Variants in IFT74 observed in about 807,000 individuals in gnomAD.
IFT74 encodes the protein intraflagellar transport 74.
Under a neutral mutation model 96.7 loss-of-function variants are expected in IFT74, and 92 were observed. The observed-to-expected ratio is 0.95, with a 90% CI of 0.80 to 1.13. The LOEUF is 1.13. Ranked by LOEUF, IFT74 falls within the 50% of genes most tolerant of loss-of-function variation. The probability of loss-of-function intolerance (pLI) is 0.00; values close to 1 mark genes in which losing one functional copy is unlikely to be tolerated. For synonymous variants in IFT74, 223 were observed against 213.2 expected (o/e 1.05, Z -0.40); for missense variants, 811 against 698.2 (o/e 1.16, Z -1.82).
chr9:27,036,649 TC>T (rs746552608), intron 13 of IFT74: 84 of 1,412,286 alleles, frequency 5.9e-5, no homozygotes, highest in Non-Finnish European at 7.6e-5. Context: ...GGCATTTTAT[TC>T]ATTGGCTACT....
Position 27,036,459 on chromosome 9 carries a change from A to G in IFT74, c.1054+7355A>G, listed in dbSNP as rs1036763473. On this transcript the variant is annotated intron_variant, in intron 13 of 19. Transcript: ENST00000380062. ...GGTTCTTCATCTGCAGATCCTACCA[A>G]CTATGGATGGAAAATACTTGAAAAA... 11 of 1,613,684 alleles carry G rather than the reference A, an allele frequency of 6.8e-6. No individual in the cohort carries two copies. In the African/African-American group the frequency reaches 1.3e-4, roughly 20 times the overall value.
chr9:26,963,089 C>T (rs1826440347), intron 2 of IFT74, among the ~76,000 whole-genome samples: 1 of 151,986 alleles, frequency 6.6e-6, no homozygotes. Context: ...GGTGTATCTC[C>T]CGATGCTATC....
chr9:27,004,211 G>A (rs1165783766), intron 8 of IFT74, among the ~76,000 whole-genome samples: 1 of 152,156 alleles, frequency 6.6e-6, no homozygotes, highest in Non-Finnish European at 1.5e-5. Flanking sequence ...TTTATTATCT[G>A]TATCTGCTAT....
At chr9:27,032,991 C>A (rs1270662381) in intron 13 of IFT74, among the ~76,000 whole-genome samples, 1 of 151,894 alleles carries the variant, frequency 6.6e-6, no homozygotes, top group Non-Finnish European at 1.5e-5. Flanking sequence ...AAAATGCAAG[C>A]AGAAAAGTAT....
Position 27,018,638 on chromosome 9 carries a change from C to G in IFT74, c.934-9C>G. On this transcript the variant is annotated splice_polypyrimidine_tract_variant and intron_variant, in intron 11 of 19. Coordinates refer to ENST00000380062, the MANE Select transcript of IFT74 (RefSeq NM_025103.4). ...TTTTAAATACTACTTTCTTTTTATG[C>G]CTTTGTAGATTAAAGATGATAATCA... The G allele has an allele frequency of 6.8e-7, 1 of 1,464,030 alleles. No homozygotes were observed. Among genetic ancestry groups the G allele is most frequent in the Non-Finnish European group, 9.4e-7 (1 of 1,064,092 alleles). 90.7% of individuals were successfully genotyped at this position (1,464,030 alleles called of 1,614,324 possible). A position where few individuals can be genotyped will look rare whatever the true frequency, so the allele number is the denominator to read the frequency against.
chr9:27,045,110 C>A (rs534931217), intron 14 of IFT74, among the ~76,000 whole-genome samples: 1 of 152,292 alleles, frequency 6.6e-6, no homozygotes, highest in South Asian at 2.1e-4. Flanking sequence ...AGGAACCAGG[C>A]CGCACACCAG....
rs889850470 is a variant in IFT74, at chr9:27,057,798, C to T, written c.1623+1339C>T. Among the ~76,000 whole-genome samples, 4 of 151,824 alleles carry T rather than the reference C, an allele frequency of 2.6e-5. No individual in the cohort carries two copies. The South Asian group carries it at 8.3e-4, about 32-fold the overall frequency. On this transcript the variant is annotated intron_variant, in intron 18 of 19. Coordinates refer to ENST00000380062, the MANE Select transcript of IFT74 (RefSeq NM_025103.4). ...GCTTGAACCTGAGAGGCGGAGCTTG[C>T]AGTAAGCTGAGATCGCGCCACTGCA...
In IFT74 at chr9:27,055,628, G is replaced by A; in HGVS notation, c.1353G>A (p.Leu451=). The A allele has an allele frequency of 6.3e-7, 1 of 1,577,004 alleles. No individual in the cohort carries two copies. Among genetic ancestry groups the A allele is most frequent in the African/African-American group, 1.4e-5 (1 of 72,612 alleles). ...TTTCAGACATTCAACGTCTGCAGTTGGATCTGCAGAAAATGGAGCTTCTAG... is the reference window on the plus strand; with the variant it reads ...TTTCAGACATTCAACGTCTGCAGTTAGATCTGCAGAAAATGGAGCTTCTAG... ...NLTSDIQRLQ[L]DLQKMELLES... Residue 451 remains leucine, a synonymous_variant, in exon 17 of 20, where the codon TTG becomes TTA. Transcript: ENST00000380062.
At chr9:26,986,785 G>C (rs748314405) in intron 6 of IFT74, among the ~76,000 whole-genome samples, 26 of 151,980 alleles carry the variant, frequency 1.7e-4, no homozygotes, top group South Asian at 4.2e-4. Context: ...AGCATGCCTG[G>C]CTAATTTTTA....
At chr9:27,034,859 G>A (rs560024570) in intron 13 of IFT74, among the ~76,000 whole-genome samples, 1 of 152,284 alleles carries the variant, frequency 6.6e-6, no homozygotes, top group South Asian at 2.1e-4. Flanking sequence ...CACATGTCCT[G>A]TTACTAGAAT....
In IFT74 at chr9:27,059,863, G is replaced by A. The variant is rs547792600; in HGVS notation, c.1624-728G>A. Among the ~76,000 whole-genome samples the A allele has an allele frequency of 4.6e-5, 7 of 152,164 alleles. No homozygotes were observed. In the East Asian group the frequency reaches 1.2e-3, roughly 25 times the overall value. Reference sequence around the variant, plus strand: ...CATTACTTCTTTGAAATGTCCAGGTGGAACATAATTTTAGCATTTCAATTT... The same window carrying A: ...CATTACTTCTTTGAAATGTCCAGGTAGAACATAATTTTAGCATTTCAATTT... On this transcript the variant is annotated intron_variant, in intron 18 of 19. Transcript: ENST00000380062.
At chr9:27,043,596 T>G (rs1038238637) in intron 13 of IFT74, among the ~76,000 whole-genome samples, 1 of 152,218 alleles carries the variant, frequency 6.6e-6, no homozygotes, top group Non-Finnish European at 1.5e-5. Flanking sequence ...GCCTTGGATT[T>G]TTGTCTCTTT....
chr9:27,018,553 T>G (rs1829458686), intron 11 of IFT74, 94 bp from the exon 12 acceptor site: 1 of 592,412 alleles, frequency 1.7e-6, no homozygotes, highest in African/African-American at 1.9e-5. Context: ...ATTTGACACT[T>G]TAGTACAATT....
At chr9:27,020,416 A>AT (rs1013480347) in intron 12 of IFT74, among the ~76,000 whole-genome samples, 9 of 145,162 alleles carry the variant, frequency 6.2e-5, no homozygotes, top group Non-Finnish European at 1.4e-4. Context: ...CTAAGAGAAT[A>AT]TTTTTTTCTT....
intron 8 of IFT74, among the ~76,000 whole-genome samples, chr9:27,008,620 A>G (rs1359273088): frequency 6.6e-6 from 1 of 152,154 alleles, no homozygotes; most frequent in African/African-American, 2.4e-5. Context: ...TCAGCCTTCC[A>G]AAGTGCTGGG....
chr9:26,987,092 C>T (rs2131546759), intron 6 of IFT74, among the ~76,000 whole-genome samples: 1 of 151,982 alleles, frequency 6.6e-6, no homozygotes, highest in East Asian at 1.9e-4. Flanking sequence ...CTCTGTCATC[C>T]AGGCCGGAGT....
intron 13 of IFT74, among the ~76,000 whole-genome samples, chr9:27,040,588 C>T (rs1317738744): frequency 6.8e-6 from 1 of 146,094 alleles, no homozygotes; most frequent in Non-Finnish European, 1.5e-5. Flanking sequence ...TACTGGGAGA[C>T]TTTGCGTGCT....
At chr9:27,052,856 ATGTTGT>A (rs147019396) in intron 16 of IFT74, among the ~76,000 whole-genome samples, 5 of 151,486 alleles carry the variant, frequency 3.3e-5, no homozygotes, top group Admixed American at 1.3e-4. Context: ...AGTGTACTCC[ATGTTGT>A]TGTTGTTGTT....
At chr9:27,036,570 T>C in intron 13 of IFT74, 2 of 1,597,364 alleles carry the variant, frequency 1.3e-6, no homozygotes, top group Non-Finnish European at 1.7e-6. Flanking sequence ...AATACCCTGC[T>C]ATAGCCTCCC....
Sources: allele counts gnomAD v4.1 joint callset (sites outside exome capture counted in the v4.1 genomes callset), GRCh38; gene constraint gnomAD v4.1.1; transcripts MANE v1.5; gene names NCBI Gene and HGNC (gene_info 2026-07-23, HGNC 2026-07-21).